Variants in IFNA4 observed in about 807,000 individuals in gnomAD.
IFNA4 encodes the protein interferon alpha-4.
For synonymous variants in IFNA4, 84 were observed against 86.0 expected, an observed-to-expected ratio of 0.98 and a Z score of 0.13; for missense variants, 225 against 214.9, an observed-to-expected ratio of 1.05 and a Z score of -0.29.
In IFNA4 at chr9:21,187,285, T is replaced by C. The variant is rs1275585462; in HGVS notation, c.247A>G (p.Met83Val). ...AAGAGATTGAAGGTCTGCTGGATCA[T>C]CTCATGGAGGACAGAGATGGCTTGA... The change falls in exon 1 of 1, where the codon ATG becomes GTG. Residue 83 changes from methionine to valine, a missense_variant. Physicochemically the swap from Met to Val is conservative, Grantham distance 21. Coordinates refer to ENST00000421715, the Ensembl canonical transcript of IFNA4. The C allele has an allele frequency of 7.4e-6, 12 of 1,613,186 alleles. No homozygotes were observed. In the African/African-American group the frequency reaches 1.1e-4, roughly 14 times the overall value.
exon 1 of IFNA4, chr9:21,186,889 G>C: frequency 6.3e-7 from 1 of 1,587,108 alleles, no homozygotes; most frequent in Non-Finnish European, 8.5e-7. Context: ...GTGAGTCTTT[G>C]AAATGGAAGA....
exon 1 of IFNA4, chr9:21,187,310 A>C: frequency 1.9e-6 from 3 of 1,613,954 alleles, no homozygotes; most frequent in Non-Finnish European, 2.5e-6. Context: ...AGATGGCTTG[A>C]GCCTTCTGGA....
chr9:21,186,844 T>G (rs2132911008), exon 1 of IFNA4: 1 of 1,533,600 alleles, frequency 6.5e-7, no homozygotes, highest in South Asian at 1.3e-5. Context: ...TGAAAACATT[T>G]GAAAATTTTG....
chr9:21,187,305 G>C, exon 1 of IFNA4: 1 of 1,613,886 alleles, frequency 6.2e-7, no homozygotes, highest in Non-Finnish European at 8.5e-7. Flanking sequence ...GACAGAGATG[G>C]CTTGAGCCTT....
chr9:21,186,857 T>C, exon 1 of IFNA4: 1 of 1,558,890 alleles, frequency 6.4e-7, no homozygotes, highest in Non-Finnish European at 8.7e-7. Context: ...AAATTTTGAT[T>C]CAACTCGTGG....
At chr9:21,187,025 T>C in exon 1 of IFNA4, 7 of 1,614,188 alleles carry the variant, frequency 4.3e-6, no homozygotes, top group Non-Finnish European at 5.9e-6. Context: ...TCATGATTTC[T>C]GCTCTGACAA....
rs369172108 is a variant in IFNA4 at position 21,186,925 on chromosome 9, T to A, written c.*37A>T. ...ACTCATGAAAGTGTGAGATAATGTA[T>A]TAGTCAATCAGGATCATTTCCATGT... On this transcript the variant is annotated 3_prime_UTR_variant, in exon 1 of 1. Coordinates refer to ENST00000421715, the Ensembl canonical transcript of IFNA4. The A allele has an allele frequency of 3.1e-6, 5 of 1,611,266 alleles. No homozygotes were observed. In the African/African-American group the frequency reaches 6.7e-5, roughly 22 times the overall value.
At chr9:21,187,363 G>A (rs144166492) in exon 1 of IFNA4, 10 of 1,614,060 alleles carry the variant, frequency 6.2e-6, no homozygotes, top group Non-Finnish European at 8.5e-6. Context: ...CCGAAATCAT[G>A]TCTGTCCTTC....
the IFNA4 span, chr9:21,187,228 G>A: frequency 6.2e-7 from 1 of 1,612,612 alleles, no homozygotes; most frequent in African/African-American, 1.3e-5. Context: ...AGGAGGCTCT[G>A]TTCCCAAGCA....
downstream of IFNA4, chr9:21,186,620 T>C (rs1817904081): frequency 1.3e-5 from 2 of 154,256 alleles, no homozygotes; most frequent in Admixed American, 6.5e-5. Context: ...AGTAAAAATT[T>C]AATGAAAAAG....
chr9:21,186,808 G>T (rs564308589), exon 1 of IFNA4: 3 of 1,190,376 alleles, frequency 2.5e-6, no homozygotes, highest in East Asian at 2.4e-5. Context: ...GCCTGCACAG[G>T]TATACACCAA....
At chr9:21,186,618 T>C (rs1563804366), downstream of IFNA4, 1 of 153,970 alleles carries the variant, frequency 6.5e-6, no homozygotes, top group Non-Finnish European at 1.4e-5. Flanking sequence ...ATAGTAAAAA[T>C]TTAATGAAAA....
rs778262681 is a variant in IFNA4 at position 21,187,353 on chromosome 9, C to G, written c.179G>C (p.Gly60Ala). ...GCCATCAAACTCCTCCTCGGGGAAT[C>G]CGAAATCATGTCTGTCCTTCAGGCA... Residue 60 changes from glycine to alanine, a missense_variant, in exon 1 of 1, where the codon GGA becomes GCA. Coordinates refer to ENST00000421715, the Ensembl canonical transcript of IFNA4. 5.0e-6 allele frequency: 8 copies of G among 1,614,130 alleles called. 1 individual carries two copies. The highest frequency in any genetic ancestry group is 3.3e-4 in the Middle Eastern group (2 of 6,062).
exon 1 of IFNA4, chr9:21,187,346 G>A (rs146775591): frequency 2.0e-5 from 33 of 1,613,920 alleles, no homozygotes; most frequent in East Asian, 6.7e-5. Flanking sequence ...ACTCCTCCTC[G>A]GGGAATCCGA....
downstream of IFNA4, chr9:21,186,688 A>G (rs1817905583): frequency 5.3e-6 from 1 of 190,474 alleles, no homozygotes; most frequent in Non-Finnish European, 1.1e-5. Flanking sequence ...ACCACAATGT[A>G]AAGGTACTCA....
exon 1 of IFNA4, chr9:21,187,289 A>G (rs1208658900): frequency 1.5e-5 from 24 of 1,613,540 alleles, no homozygotes; most frequent in Non-Finnish European, 1.9e-5. Flanking sequence ...GGATCATCTC[A>G]TGGAGGACAG....
chr9:21,186,864 G>C (rs918712706), exon 1 of IFNA4: 60 of 1,569,638 alleles, frequency 3.8e-5, no homozygotes, highest in African/African-American at 2.6e-4. Flanking sequence ...GATTCAACTC[G>C]TGGTGGTTAT....
exon 1 of IFNA4, chr9:21,187,017 A>T: frequency 6.2e-7 from 1 of 1,614,154 alleles, no homozygotes; most frequent in Non-Finnish European, 8.5e-7. Flanking sequence ...GAGGGATCTC[A>T]TGATTTCTGC....
chr9:21,187,181 A>T, exon 1 of IFNA4: 3 of 1,613,394 alleles, frequency 1.9e-6, no homozygotes, highest in Non-Finnish European at 1.7e-6. Flanking sequence ...CTTCCAGGTC[A>T]TTCAGTTGCT....
Sources: allele counts gnomAD v4.1 joint callset, GRCh38; gene constraint gnomAD v4.1.1; transcripts MANE v1.5; gene names NCBI Gene and HGNC (gene_info 2026-07-23, HGNC 2026-07-21).